ZZZ3: variants seen among roughly 807,000 people sequenced by gnomAD.
ZZZ3 encodes the protein zinc finger ZZ-type containing 3, also known as ZZ-type zinc finger-containing protein 3.
Under a neutral mutation model 95.2 loss-of-function variants are expected in ZZZ3, and 22 were observed. That is an observed-to-expected ratio of 0.23 (90% CI 0.17 to 0.33). The LOEUF is 0.33. Among genes scored for constraint, ZZZ3 ranks in the 10% least tolerant of loss-of-function variants. The pLI, the probability that ZZZ3 is intolerant of heterozygous loss-of-function variation, is 1.00. For synonymous variants in ZZZ3, 335 were observed against 358.9 expected, an observed-to-expected ratio of 0.93 and a Z score of 0.75; for missense variants, 885 against 1,066.5, an observed-to-expected ratio of 0.83 and a Z score of 2.37.
At chr1:77,677,012 A>T (rs1179960741) in intron 1 of ZZZ3, 1 of 152,192 alleles carries the variant, frequency 6.6e-6, no homozygotes. Context: ...CTGAAAAGGG[A>T]GGAATTTCAT....
chr1:77,645,847 G>A (rs1669213889), intron 1 of ZZZ3, among the ~76,000 whole-genome samples: 1 of 151,434 alleles, frequency 6.6e-6, no homozygotes, highest in South Asian at 2.1e-4. Context: ...GTGTGTGCCT[G>A]TAATTCCCAG....
At chr1:77,595,040 A>G (rs1459699590) in intron 5 of ZZZ3, among the ~76,000 whole-genome samples, 1 of 151,836 alleles carries the variant, frequency 6.6e-6, no homozygotes, top group East Asian at 1.9e-4. Context: ...TTGAACTTGC[A>G]TCAACCCATT....
At chr1:77,569,331 C>T (rs903809283) in intron 12 of ZZZ3, among the ~76,000 whole-genome samples, 6 of 152,008 alleles carry the variant, frequency 3.9e-5, no homozygotes, top group Non-Finnish European at 7.4e-5. Flanking sequence ...AGTGAGACTC[C>T]GTCTCAAAAT....
intron 1 of ZZZ3, 103 bp from the exon 2 acceptor site, chr1:77,641,758 T>C: frequency 2.6e-6 from 1 of 390,080 alleles, no homozygotes; most frequent in East Asian, 3.6e-5. Context: ...GCACACTTCA[T>C]TTTCTACTAA....
At chr1:77,581,114 C>T (rs1662474054) in intron 8 of ZZZ3, 45 bp from the exon 9 acceptor site, 2 of 1,485,576 alleles carry the variant, frequency 1.3e-6, no homozygotes, top group African/African-American at 1.4e-5. Flanking sequence ...ATAACAACAC[C>T]TATCCTTTGA....
intron 4 of ZZZ3, among the ~76,000 whole-genome samples, chr1:77,638,744 GAAA>G (rs1668512805): frequency 6.6e-6 from 1 of 152,014 alleles, no homozygotes; most frequent in African/African-American, 2.4e-5. Flanking sequence ...AAAGTAAAAG[GAAA>G]AAAGAGCAAA....
chr1:77,576,303 C>A, intron 11 of ZZZ3, 83 bp from the exon 12 acceptor site: 1 of 1,127,354 alleles, frequency 8.9e-7, no homozygotes. Context: ...ATGTTACTTC[C>A]AACAAGTCTA....
chr1:77,661,135 G>C, intron 1 of ZZZ3, among the ~76,000 whole-genome samples: 1 of 152,100 alleles, frequency 6.6e-6, no homozygotes, highest in Non-Finnish European at 1.5e-5. Flanking sequence ...TGGTACAGAG[G>C]CCAGGCGCAG....
rs1672887870 is a variant in ZZZ3, at chr1:77,682,584, CCTTGT to C, written c.-407_-403del. 6.6e-6 allele frequency: 1 copy of C among 152,352 alleles called. No individual in the cohort carries two copies. Among genetic ancestry groups the C allele is most frequent in the Non-Finnish European group, 1.5e-5 (1 of 68,192 alleles). The allele number at this position is 152,352 out of a possible 1,614,324, so 9.4% of individuals were successfully genotyped here. A position where few individuals can be genotyped will look rare whatever the true frequency, so the allele number is the denominator to read the frequency against. On this transcript the variant is annotated splice_region_variant and 5_prime_UTR_variant, in exon 1 of 15. Transcript: ENST00000370801. ...CCCCGGGCCCCTCCCTAACGACTTGCCTTGTAGAAAGAGTTGCAGGTCCCAGGCCC... is the reference window on the plus strand; with the variant it reads ...CCCCGGGCCCCTCCCTAACGACTTGCAGAAAGAGTTGCAGGTCCCAGGCCC...
At chr1:77,624,373 C>T (rs1036178335) in intron 5 of ZZZ3, among the ~76,000 whole-genome samples, 1 of 152,066 alleles carries the variant, frequency 6.6e-6, no homozygotes. Context: ...AAGAGCAAGC[C>T]ATCATTACAA....
intron 1 of ZZZ3, among the ~76,000 whole-genome samples, chr1:77,678,511 A>T (rs555806280): frequency 8.5e-5 from 13 of 152,348 alleles, no homozygotes; most frequent in African/African-American, 3.1e-4. Flanking sequence ...ATAAAAGTTC[A>T]TTATTAAAGT....
At chr1:77,579,809 G>A in intron 9 of ZZZ3, 181 bp from the exon 10 acceptor site, 1 of 403,814 alleles carries the variant, frequency 2.5e-6, no homozygotes, top group Non-Finnish European at 4.4e-6. Context: ...AGACTTCACA[G>A]GGAACAATGA....
chr1:77,616,455 G>A (rs894031815), intron 5 of ZZZ3, among the ~76,000 whole-genome samples: 3 of 152,214 alleles, frequency 2.0e-5, no homozygotes, highest in Admixed American at 1.3e-4. Context: ...CTGGCACTGT[G>A]TTTAAAAACT....
chr1:77,650,538 A>G (rs1669706404), intron 1 of ZZZ3, among the ~76,000 whole-genome samples: 2 of 152,294 alleles, frequency 1.3e-5, no homozygotes, highest in East Asian at 1.9e-4. Flanking sequence ...ATCAAAGGGA[A>G]TTAATGCAGC....
chr1:77,618,387 A>G (rs1480705587), intron 5 of ZZZ3, among the ~76,000 whole-genome samples: 1 of 152,006 alleles, frequency 6.6e-6, no homozygotes, highest in Non-Finnish European at 1.5e-5. Flanking sequence ...TGGGAATAAA[A>G]TGTCATATAA....
intron 5 of ZZZ3, among the ~76,000 whole-genome samples, chr1:77,602,265 G>A (rs1223541527): frequency 6.6e-6 from 1 of 152,180 alleles, no homozygotes; most frequent in Non-Finnish European, 1.5e-5. Context: ...AGTAAAGGAA[G>A]CAAGTATAGG....
At position 77,582,118 on chromosome 1, in the gene ZZZ3, A is replaced by G; in HGVS notation, c.1653T>C (p.Ile551=). Residue 551 remains isoleucine, a synonymous_variant, in exon 7 of 15, where the codon ATT becomes ATC. Transcript: ENST00000370801. ...FVEKLQKKAD[I]GLPYPQRVVQ... is the part of the protein sequence containing the mutation. ...CAACTCTCTGTGGATATGGAAGCCC[A>G]ATATCAGCCTGGAGGCAGGGGAGAA... 3 of 1,601,022 alleles carry G rather than the reference A, an allele frequency of 1.9e-6. No individual in the cohort carries two copies. The South Asian group carries it at 3.5e-5, about 18-fold the overall frequency.
Position 77,576,165 on chromosome 1 carries a change from G to A in ZZZ3, c.2234C>T (p.Thr745Ile), listed in dbSNP as rs1485727262. The change falls in exon 12 of 15, where the codon ACT (threonine) becomes ATT (isoleucine). Residue 745 changes from threonine to isoleucine, a missense_variant. Physicochemically the swap from Thr to Ile is moderately conservative, Grantham distance 89. Coordinates refer to ENST00000370801, the MANE Select transcript of ZZZ3 (RefSeq NM_015534.6). ...PLNKHLFKPSTFMTSHEPPVY... is the reference protein window; with the variant it reads ...PLNKHLFKPSIFMTSHEPPVY... The stretch of plus-strand genomic sequence containing the variant: ...TGGCGGTTCATGTGAAGTCATGAAA[G>A]TGGAAGGCTTAAAGAGATGCTTATT... The A allele has an allele frequency of 6.2e-7, 1 of 1,613,432 alleles. No individual in the cohort carries two copies. The highest frequency in any genetic ancestry group is 1.3e-5 in the African/African-American group (1 of 74,876).
chr1:77,665,355 G>C (rs1671156181), intron 1 of ZZZ3, among the ~76,000 whole-genome samples: 2 of 152,274 alleles, frequency 1.3e-5, no homozygotes, highest in Admixed American at 6.5e-5. Context: ...GATGGTAACT[G>C]AACTGTGGAC....
Sources: gnomAD v4.1 joint callset for allele counts (sites outside exome capture counted in the v4.1 genomes callset) on GRCh38, gnomAD v4.1.1 for gene constraint, MANE v1.5 for transcripts, NCBI Gene and HGNC (gene_info 2026-07-23, HGNC 2026-07-21) for gene names.